ZFHX3: variants seen among roughly 807,000 people sequenced by gnomAD.
ZFHX3 encodes the protein zinc finger homeobox 3.
ZFHX3 carries 42 observed loss-of-function variants against 279.1 expected under a neutral mutation model. The ratio of observed to expected loss-of-function variants is 0.15; its 90% CI spans 0.12 to 0.19. The LOEUF (loss-of-function observed/expected upper bound fraction) is 0.19. ZFHX3 is among the 10% of genes least tolerant of loss of function. ZFHX3 has a pLI of 1.00. For synonymous variants in ZFHX3, 2,293 were observed against 1,957.8 expected (o/e 1.17, Z -4.52); for missense variants, 4,981 against 4,754.0 (o/e 1.05, Z -1.40).
intron 1 of ZFHX3, among the ~76,000 whole-genome samples, chr16:73,029,547 T>C (rs1366072745): frequency 6.6e-6 from 1 of 152,212 alleles, no homozygotes; most frequent in Non-Finnish European, 1.5e-5. Flanking sequence ...GAAGGAATTA[T>C]CCCTCCCATT....
At chr16:73,241,790 CAAAAAAAAAAAAAA>C (rs60214410) in intron 5 of ZFHX3, among the ~76,000 whole-genome samples, 4 of 51,288 alleles carry the variant, frequency 7.8e-5, no homozygotes, top group African/African-American at 3.4e-4. Flanking sequence ...AACTCCGTCT[CAAAAAAAAAAAAAA>C]AAAAAAAAAA....
intron 3 of ZFHX3, among the ~76,000 whole-genome samples, chr16:73,416,737 G>A (rs755947460): frequency 2.7e-5 from 4 of 149,302 alleles, no homozygotes; most frequent in Admixed American, 1.3e-4. Context: ...AGCCGGGTGC[G>A]GTGGCGGGCG....
At chr16:73,611,469 T>C (rs1485644728) in intron 2 of ZFHX3, among the ~76,000 whole-genome samples, 1 of 152,210 alleles carries the variant, frequency 6.6e-6, no homozygotes, top group African/African-American at 2.4e-5. Context: ...ATTCATCTTT[T>C]CCACAGAAAA....
At chr16:73,317,073 G>C (rs1053426195) in intron 4 of ZFHX3, among the ~76,000 whole-genome samples, 18 of 152,098 alleles carry the variant, frequency 1.2e-4, no homozygotes, top group African/African-American at 4.3e-4. Flanking sequence ...AGGGTGATGG[G>C]AAGAGGTGAT....
intron 5 of ZFHX3, among the ~76,000 whole-genome samples, chr16:73,186,518 G>T (rs1161468817): frequency 6.6e-6 from 1 of 150,984 alleles, no homozygotes; most frequent in Non-Finnish European, 1.5e-5. Flanking sequence ...GAAACACTTT[G>T]TGGATATACC....
At chr16:73,165,219 T>C (rs1157007937) in intron 5 of ZFHX3, among the ~76,000 whole-genome samples, 1 of 152,100 alleles carries the variant, frequency 6.6e-6, no homozygotes, top group East Asian at 1.9e-4. Context: ...CAAGCTGGAA[T>C]TACCCCAACC....
At chr16:73,687,090 A>G (rs1201769747) in intron 1 of ZFHX3, among the ~76,000 whole-genome samples, 1 of 118,562 alleles carries the variant, frequency 8.4e-6, no homozygotes, top group African/African-American at 3.1e-5. Context: ...CTTATTTTTT[A>G]TTTTAAAACA....
At chr16:73,506,934 G>A (rs896426131) in intron 2 of ZFHX3, among the ~76,000 whole-genome samples, 30 of 152,022 alleles carry the variant, frequency 2.0e-4, no homozygotes, top group African/African-American at 7.0e-4. Flanking sequence ...TAAATGGTGC[G>A]GCGTGTAATA....
At chr16:72,792,852 C>A (rs1329015280) in intron 9 of ZFHX3, among the ~76,000 whole-genome samples, 1 of 152,202 alleles carries the variant, frequency 6.6e-6, no homozygotes, top group African/African-American at 2.4e-5. Flanking sequence ...TTTCTTAGGG[C>A]ATAATCCAGA....
At chr16:73,338,159 C>T (rs1481124481) in intron 3 of ZFHX3, among the ~76,000 whole-genome samples, 1 of 152,278 alleles carries the variant, frequency 6.6e-6, no homozygotes, top group South Asian at 2.1e-4. Flanking sequence ...AGCCAGGCTG[C>T]CTGACCTCAC....
At chr16:73,417,306 G>A (rs982662808) in intron 3 of ZFHX3, among the ~76,000 whole-genome samples, 6 of 151,836 alleles carry the variant, frequency 4.0e-5, no homozygotes, top group African/African-American at 7.3e-5. Flanking sequence ...GAAACAGGAC[G>A]TGAGTGAAAA....
At chr16:73,025,989 C>T (rs184644907) in intron 1 of ZFHX3, among the ~76,000 whole-genome samples, 7 of 152,146 alleles carry the variant, frequency 4.6e-5, no homozygotes, top group East Asian at 3.9e-4. Context: ...CAACCTCTCA[C>T]GCCAGATTCG....
intron 5 of ZFHX3, among the ~76,000 whole-genome samples, chr16:73,167,608 G>A (rs527425843): frequency 3.2e-4 from 48 of 152,298 alleles, no homozygotes; most frequent in African/African-American, 1.1e-3. Context: ...AACTGAGAAC[G>A]TTGGGTAAGA....
chr16:73,801,538 A>G (rs1960146682), intron 1 of ZFHX3, among the ~76,000 whole-genome samples: 1 of 152,222 alleles, frequency 6.6e-6, no homozygotes, highest in Admixed American at 6.5e-5. Context: ...GGGCATGTGA[A>G]TTTGAGTTTC....
At chr16:73,419,227 T>TA (rs574872733) in intron 3 of ZFHX3, among the ~76,000 whole-genome samples, 110 of 152,328 alleles carry the variant, frequency 7.2e-4, no homozygotes, top group Admixed American at 2.7e-3. Context: ...GGGCAGATAG[T>TA]ATGCTAAGTG....
At chr16:73,244,889 T>C (rs1376991198) in intron 5 of ZFHX3, among the ~76,000 whole-genome samples, 2 of 152,184 alleles carry the variant, frequency 1.3e-5, no homozygotes, top group Non-Finnish European at 2.9e-5. Flanking sequence ...TGAACACATG[T>C]GACATCCCCT....
At chr16:73,821,431 T>C (rs997590819) in intron 1 of ZFHX3, among the ~76,000 whole-genome samples, 7 of 152,238 alleles carry the variant, frequency 4.6e-5, no homozygotes, top group African/African-American at 1.7e-4. Flanking sequence ...CTTCTCAGCA[T>C]CTCTGCAACT....
intron 1 of ZFHX3, chr16:73,014,518 C>CTTTTTTTTTTTTTTTTTT (rs1000108439): frequency 1.6e-5 from 1 of 63,366 alleles, no homozygotes; most frequent in African/African-American, 6.3e-5. Context: ...ATTTCTTCTT[C>CTTTTTTTTTTTTTTTTTT]TTTTTTTTTT....
At chr16:73,214,843 C>CATTTTTTTTTT (rs781227170) in intron 5 of ZFHX3, among the ~76,000 whole-genome samples, 4 of 79,250 alleles carry the variant, frequency 5.0e-5, no homozygotes, top group Admixed American at 1.9e-4. Flanking sequence ...TGCTGAAGGC[C>CATTTTTTTTTT]TTTTTTTTTT....
Sources: allele counts gnomAD v4.1 joint callset (sites outside exome capture counted in the v4.1 genomes callset), GRCh38; gene constraint gnomAD v4.1.1; transcripts MANE v1.5; gene names NCBI Gene and HGNC (gene_info 2026-07-23, HGNC 2026-07-21).